KHDC4: variants seen among roughly 807,000 people sequenced by gnomAD.
The protein encoded by KHDC4 is KH homology domain-containing protein 4.
In KHDC4, 19 loss-of-function variants were observed where a neutral mutation model predicts 74.5. That is an observed-to-expected ratio of 0.26 (90% CI 0.18 to 0.37). The LOEUF is 0.37. Among genes scored for constraint, KHDC4 ranks in the 10% least tolerant of loss-of-function variants. The pLI, the probability that KHDC4 is intolerant of heterozygous loss-of-function variation, is 1.00. For missense variants in KHDC4, 632 were observed against 754.1 expected, an observed-to-expected ratio of 0.84 and a Z score of 1.90; for synonymous variants, 253 against 266.1, an observed-to-expected ratio of 0.95 and a Z score of 0.48.
chr1:155,922,682 G>A (rs886619155), intron 8 of KHDC4, among the ~76,000 whole-genome samples: 12 of 152,192 alleles, frequency 7.9e-5, no homozygotes, highest in Middle Eastern at 3.4e-3. Context: ...TAAGGGTTTC[G>A]TATTTTCCTC....
intron 10 of KHDC4, among the ~76,000 whole-genome samples, chr1:155,920,319 T>A (rs559073862): frequency 6.6e-6 from 1 of 152,004 alleles, no homozygotes; most frequent in East Asian, 1.9e-4. Flanking sequence ...GTGCCTGTAG[T>A]CCCAGCTACT....
rs1367007821 is a variant in KHDC4 at position 155,921,616 on chromosome 1, G to C, written c.1025C>G (p.Pro342Arg). 1.9e-6 allele frequency: 3 copies of C among 1,613,516 alleles called. No homozygotes were observed. In the South Asian group the frequency reaches 3.3e-5, roughly 18 times the overall value. The stretch of plus-strand genomic sequence containing the variant: ...AGGAGGGACACTACTTATAGCAGAG[G>C]GTTGTGTATAGCCTGAGGGGGAAGA... Reference protein sequence around the residue: ...TAVPLPGYTQPSAISSVPPQP... With the variant: ...TAVPLPGYTQRSAISSVPPQP... The change falls in exon 10 of 14, where the codon CCC (proline) becomes CGC (arginine). Residue 342 changes from proline to arginine, a missense_variant. By Grantham distance (103) the Pro-to-Arg change is moderately radical. Coordinates refer to ENST00000368321, the MANE Select transcript of KHDC4 (RefSeq NM_014949.4).
At chr1:155,923,797 T>A in intron 7 of KHDC4, 110 bp from the exon 8 acceptor site, 1 of 775,104 alleles carries the variant, frequency 1.3e-6, no homozygotes, top group Non-Finnish European at 2.2e-6. Flanking sequence ...ACATTCACTG[T>A]AGCTCAAATC....
chr1:155,920,867 C>T (rs774159658), intron 10 of KHDC4, among the ~76,000 whole-genome samples: 1 of 152,278 alleles, frequency 6.6e-6, no homozygotes, highest in Non-Finnish European at 1.5e-5. Context: ...GTGAAGGTAG[C>T]CCCATTCTCC....
chr1:155,923,736 A>C, intron 7 of KHDC4, 49 bp from the exon 8 acceptor site: 1 of 1,392,428 alleles, frequency 7.2e-7, no homozygotes. Flanking sequence ...TAAATAAAAG[A>C]TGCAGAATTC....
intron 8 of KHDC4, 54 bp from the exon 9 acceptor site, chr1:155,921,972 CAAGGGTCTGATTACAT>C: frequency 8.9e-7 from 1 of 1,124,276 alleles, no homozygotes; most frequent in South Asian, 1.3e-5. Context: ...TGTGCATTTA[CAAGGGTCTGATTACAT>C]AATTCTAGGA....
In KHDC4 at chr1:155,913,707, C is replaced by T; in HGVS notation, c.*414G>A. 1 of 163,234 alleles carries T rather than the reference C, an allele frequency of 6.1e-6. No individual in the cohort carries two copies. The highest frequency in any genetic ancestry group is 1.3e-5 in the Non-Finnish European group (1 of 74,466). The allele number at this position is 163,234 out of a possible 1,614,324, so 10.1% of individuals were successfully genotyped here. The stretch of plus-strand genomic sequence containing the variant: ...ATTTCCCCACTAATAAATAGTAAGG[C>T]TCTGTTTGTAACCAGTTATATATCA... On this transcript the variant is annotated 3_prime_UTR_variant, in exon 14 of 14. Coordinates refer to ENST00000368321, the MANE Select transcript of KHDC4 (RefSeq NM_014949.4).
rs1179943070 is a variant in KHDC4, at chr1:155,921,408, T to C, written c.1233A>G (p.Ile411Met). 1.2e-6 allele frequency: 2 copies of C among 1,614,098 alleles called. No homozygotes were observed. The highest frequency in any genetic ancestry group is 1.7e-6 in the Non-Finnish European group (2 of 1,179,978). ...GVPPVPTQYP[I>M]TQVQPPASTG... ...TGCTAGCTGGAGGCTGCACTTGTGT[T>C]ATCGGGTATTGTGTTGGCACAGGTG... Residue 411 changes from isoleucine (I) to methionine (M), a missense_variant, in exon 10 of 14, where the codon ATA becomes ATG. By Grantham distance (10) the Ile-to-Met change is conservative (BLOSUM62 1). This residue lies in a region of KHDC4 where 254 missense variants were observed against 267.4 expected (regional missense o/e 0.95). Transcript: ENST00000368321.
chr1:155,916,663 C>T lies in KHDC4; in HGVS notation c.1515G>A (p.Lys505=), dbSNP rs772501170. ...SQNEIEGAGS[K]PASSSGKERE... The stretch of plus-strand genomic sequence containing the variant: ...TCTCTTTGCCTGAGGAACTTGCTGG[C>T]TTCGATCCTGCACCTTCAATCTCAT... Residue 505 remains lysine, a synonymous_variant, in exon 12 of 14, where the codon AAG becomes AAA. Coordinates refer to ENST00000368321, the MANE Select transcript of KHDC4 (RefSeq NM_014949.4). The T allele has an allele frequency of 6.8e-6, 11 of 1,613,686 alleles. No individual in the cohort carries two copies. The highest frequency in any genetic ancestry group is 6.8e-6 in the Non-Finnish European group (8 of 1,179,970).
chr1:155,921,782 A>G, intron 9 of KHDC4, 79 bp downstream of exon 9: 1 of 1,410,350 alleles, frequency 7.1e-7, no homozygotes, highest in South Asian at 1.2e-5. Context: ...GTGCCCTGGC[A>G]CAGTCTAGCC....
chr1:155,921,735 C>T, intron 9 of KHDC4, 107 bp from the exon 10 acceptor site: 3 of 1,461,970 alleles, frequency 2.1e-6, no homozygotes, highest in Non-Finnish European at 2.8e-6. Flanking sequence ...GCATGAATGG[C>T]TTTCCAAATT....
chr1:155,928,278 G>T (rs994864297), intron 4 of KHDC4, among the ~76,000 whole-genome samples: 7 of 152,000 alleles, frequency 4.6e-5, no homozygotes, highest in Admixed American at 3.9e-4. Flanking sequence ...GGAGGGTGAG[G>T]CCAGAGAATT....
chr1:155,927,777 G>A lies in KHDC4; in HGVS notation c.465-621C>T, dbSNP rs767645757. ...AAGATCATGCCATTGCACACCAGCC[G>A]GGGCAACAGAACAAGACTCTGTCTC... On this transcript the variant is annotated intron_variant, in intron 4 of 13. Coordinates refer to ENST00000368321, the MANE Select transcript of KHDC4 (RefSeq NM_014949.4). 4.4e-5 allele frequency among the ~76,000 whole-genome samples: 6 copies of A among 137,154 alleles called. No homozygotes were observed. In the South Asian group the frequency reaches 7.0e-4, roughly 16 times the overall value. 90.0% of individuals were successfully genotyped at this position (137,154 alleles called of 152,430 possible). A position where few individuals can be genotyped will look rare whatever the true frequency, so the allele number is the denominator to read the frequency against.
At chr1:155,917,146 A>T (rs1673749152) in intron 11 of KHDC4, among the ~76,000 whole-genome samples, 3 of 152,148 alleles carry the variant, frequency 2.0e-5, no homozygotes, top group Admixed American at 2.0e-4. Context: ...TAACTTTACA[A>T]TTACATGTAC....
chr1:155,930,132 C>T (rs1235852310), intron 2 of KHDC4, among the ~76,000 whole-genome samples: 1 of 152,056 alleles, frequency 6.6e-6, no homozygotes, highest in Admixed American at 6.6e-5. Flanking sequence ...AGGCTGGTCT[C>T]GAACTCCTGA....
chr1:155,922,545 T>C (rs1372939342), intron 8 of KHDC4, among the ~76,000 whole-genome samples: 1 of 152,138 alleles, frequency 6.6e-6, no homozygotes, highest in Non-Finnish European at 1.5e-5. Flanking sequence ...AATTCTGGGG[T>C]ACAGAATCAT....
At chr1:155,916,097 A>C in intron 12 of KHDC4, 133 bp from the exon 13 acceptor site, 1 of 624,454 alleles carries the variant, frequency 1.6e-6, no homozygotes, top group Non-Finnish European at 2.8e-6. Flanking sequence ...AACCCCTTCC[A>C]CCTTCCCCCA....
chr1:155,934,374 G>A lies in KHDC4; in HGVS notation c.-1C>T, dbSNP rs750213834. The A allele has an allele frequency of 5.6e-6, 9 of 1,611,724 alleles. No homozygotes were observed. Among genetic ancestry groups the A allele is most frequent in the Admixed American group, 1.7e-5 (1 of 59,974 alleles). On this transcript the variant is annotated 5_prime_UTR_variant, in exon 1 of 14. Transcript: ENST00000368321. ...GATGTGTCGCGCTCCCCGCGGACATGGCGACCGCTTCTACTCAACCACCCG... is the reference window on the plus strand; with the variant it reads ...GATGTGTCGCGCTCCCCGCGGACATAGCGACCGCTTCTACTCAACCACCCG...
rs775506632 is a variant in KHDC4, at chr1:155,914,339, A to G, written c.1646-19T>C. 2 of 1,560,104 alleles carry G rather than the reference A, an allele frequency of 1.3e-6. No homozygotes were observed. Among genetic ancestry groups the G allele is most frequent in the Non-Finnish European group, 1.8e-6 (2 of 1,135,154 alleles). ...GGATAATCTAGAATAGAGAAAAAAC[A>G]ACCCCAACCCCATCCCCGCCAAGGG... On this transcript the variant is annotated intron_variant, in intron 13 of 13. Transcript: ENST00000368321.
Sources: gnomAD v4.1 joint callset for allele counts (sites outside exome capture counted in the v4.1 genomes callset) on GRCh38, gnomAD v4.1.1 for gene constraint, gnomAD v4.1.1 regional missense constraint, MANE v1.5 for transcripts, NCBI Gene and HGNC (gene_info 2026-07-23, HGNC 2026-07-21) for gene names.